The following VTI1A variants were observed in gnomAD, a reference collection of about 807,000 sequenced individuals.
VTI1A encodes the protein vesicle transport through interaction with t-SNAREs 1A.
In VTI1A, 22 loss-of-function variants were observed where a neutral mutation model predicts 34.9. That is an observed-to-expected ratio of 0.63 (90% CI 0.45 to 0.90). VTI1A has a LOEUF of 0.90. Ranked by LOEUF, VTI1A falls within the 40% of genes least tolerant of loss-of-function variation. The pLI, the probability that VTI1A is intolerant of heterozygous loss-of-function variation, is 0.00. For synonymous variants in VTI1A, 87 were observed against 97.3 expected (o/e 0.89, Z 0.62); for missense variants, 268 against 275.6 (o/e 0.97, Z 0.20).
intron 3 of VTI1A, among the ~76,000 whole-genome samples, chr10:112,490,611 A>ATTTT (rs10694500): frequency 7.7e-5 from 11 of 143,270 alleles, no homozygotes; most frequent in South Asian, 2.2e-4. Context: ...AGATGCTACA[A>ATTTT]TTTTTTTTTT....
At chr10:112,729,980 G>A (rs1243076418) in intron 7 of VTI1A, among the ~76,000 whole-genome samples, 1 of 152,134 alleles carries the variant, frequency 6.6e-6, no homozygotes, top group Non-Finnish European at 1.5e-5. Flanking sequence ...TCCAATCCAG[G>A]GGCCCCAACA....
chr10:112,668,900 T>C, intron 6 of VTI1A, 37 bp from the exon 7 acceptor site: 4 of 1,607,126 alleles, frequency 2.5e-6, no homozygotes, highest in Non-Finnish European at 3.4e-6. Context: ...ATAATCTAAT[T>C]GCATGAACTT....
chr10:112,762,942 A>AAT (rs1287405524), intron 7 of VTI1A, among the ~76,000 whole-genome samples: 1 of 152,150 alleles, frequency 6.6e-6, no homozygotes, highest in Non-Finnish European at 1.5e-5. Flanking sequence ...GCTAGTTTTA[A>AAT]ATATATATAT....
intron 7 of VTI1A, among the ~76,000 whole-genome samples, chr10:112,777,037 ACT>A (rs1851973686): frequency 6.6e-6 from 1 of 151,882 alleles, no homozygotes; most frequent in African/African-American, 2.4e-5. Flanking sequence ...AGAAACTAAA[ACT>A]CACATCTTTC....
chr10:112,526,805 T>C (rs1387904324), intron 3 of VTI1A, among the ~76,000 whole-genome samples: 1 of 152,198 alleles, frequency 6.6e-6, no homozygotes, highest in Non-Finnish European at 1.5e-5. Context: ...AGTGGTCTTA[T>C]TTGAATGGCG....
At chr10:112,758,654 C>T (rs1261238369) in intron 7 of VTI1A, among the ~76,000 whole-genome samples, 1 of 152,234 alleles carries the variant, frequency 6.6e-6, no homozygotes, top group Admixed American at 6.5e-5. Flanking sequence ...CTGCCATTCA[C>T]CACTTTGTGG....
intron 5 of VTI1A, among the ~76,000 whole-genome samples, chr10:112,586,965 C>T (rs1008979387): frequency 6.6e-6 from 1 of 152,136 alleles, no homozygotes; most frequent in African/African-American, 2.4e-5. Flanking sequence ...ATAAACTTAG[C>T]TTGTTCTAGC....
chr10:112,830,849 A>ATATATATATATATATATATATATATT, the VTI1A span, among the ~76,000 whole-genome samples: 9 of 33,488 alleles, frequency 2.7e-4, no homozygotes, highest in Admixed American at 4.7e-4. Flanking sequence ...ATATATATAT[A>ATATATATATATATATATATATATATT]TTTTTTTTTT....
intron 3 of VTI1A, among the ~76,000 whole-genome samples, chr10:112,511,891 A>C (rs921574905): frequency 8.5e-5 from 13 of 152,178 alleles, no homozygotes; most frequent in African/African-American, 3.1e-4. Flanking sequence ...TGCAGATGAC[A>C]TATTTTCAAT....
the VTI1A span, among the ~76,000 whole-genome samples, chr10:112,833,396 C>A: frequency 2.0e-5 from 3 of 152,032 alleles, no homozygotes; most frequent in Non-Finnish European, 4.4e-5. Context: ...GACCATCATT[C>A]TCTTCCCTGC....
At chr10:112,610,883 C>T (rs1260745656) in intron 5 of VTI1A, among the ~76,000 whole-genome samples, 1 of 151,872 alleles carries the variant, frequency 6.6e-6, no homozygotes, top group African/African-American at 2.4e-5. Flanking sequence ...CGCGCCACTG[C>T]GCTCCAGCCT....
intron 5 of VTI1A, among the ~76,000 whole-genome samples, chr10:112,557,271 A>T (rs925019204): frequency 6.6e-6 from 1 of 152,172 alleles, no homozygotes; most frequent in Non-Finnish European, 1.5e-5. Context: ...AGAAATTTTT[A>T]AAAATGCCAT....
rs1327479852 is a variant in VTI1A at position 112,815,695 on chromosome 10, G to T, written c.*312G>T. ...CAGTGACACTCCTAGCCCTCTGGAC[G>T]TGTCAAGGGCCGTGGTTTGGGAGAG... On this transcript the variant is annotated 3_prime_UTR_variant, in exon 8 of 8. Transcript: ENST00000393077. The T allele has an allele frequency of 4.8e-5, 17 of 356,876 alleles. No homozygotes were observed. The highest frequency in any genetic ancestry group is 8.4e-5 in the Non-Finnish European group (16 of 191,560). 22.1% of individuals were successfully genotyped at this position (356,876 alleles called of 1,614,324 possible).
chr10:112,591,974 T>C (rs551669959), intron 5 of VTI1A, among the ~76,000 whole-genome samples: 3 of 152,274 alleles, frequency 2.0e-5, no homozygotes, highest in African/African-American at 7.2e-5. Flanking sequence ...ATGCAGAGAT[T>C]TGAACGTGAG....
chr10:112,730,822 C>T (rs1205019280), intron 7 of VTI1A, among the ~76,000 whole-genome samples: 1 of 152,034 alleles, frequency 6.6e-6, no homozygotes, highest in Non-Finnish European at 1.5e-5. Flanking sequence ...AAACTGAAAT[C>T]ATCAAAGACT....
chr10:112,643,037 T>C (rs1286318929), intron 5 of VTI1A, among the ~76,000 whole-genome samples: 2 of 145,746 alleles, frequency 1.4e-5, no homozygotes, highest in East Asian at 2.0e-4. Flanking sequence ...CAGGCTGGAG[T>C]GCTGTAGCAC....
intron 7 of VTI1A, among the ~76,000 whole-genome samples, chr10:112,728,895 T>G (rs1850143465): frequency 6.6e-6 from 1 of 152,172 alleles, no homozygotes. Flanking sequence ...AAGAGATCAA[T>G]GTTTTTATTA....
intron 7 of VTI1A, among the ~76,000 whole-genome samples, chr10:112,694,429 A>G (rs1848713047): frequency 6.6e-6 from 1 of 152,044 alleles, no homozygotes; most frequent in Non-Finnish European, 1.5e-5. Flanking sequence ...CTTAATGAAT[A>G]AAAGAACAGA....
At chr10:112,459,607 T>A (rs1847660932) in intron 1 of VTI1A, among the ~76,000 whole-genome samples, 1 of 152,010 alleles carries the variant, frequency 6.6e-6, no homozygotes, top group Admixed American at 6.6e-5. Context: ...TTGAAGAGAG[T>A]AGGGGCTGTT....
Sources: allele counts gnomAD v4.1 joint callset (sites outside exome capture counted in the v4.1 genomes callset), GRCh38; gene constraint gnomAD v4.1.1; transcripts MANE v1.5; gene names NCBI Gene and HGNC (gene_info 2026-07-23, HGNC 2026-07-21).